The following NOL10 variants were observed in gnomAD, a reference collection of about 807,000 sequenced individuals.
NOL10 encodes nucleolar protein 10.
A neutral mutation model predicts 103.5 loss-of-function variants in NOL10; 58 were observed. The ratio of observed to expected loss-of-function variants is 0.56; its 90% CI spans 0.45 to 0.70. The LOEUF is 0.70. Ranked by LOEUF, NOL10 falls within the 30% of genes least tolerant of loss-of-function variation. The probability of loss-of-function intolerance (pLI) is 0.00; values close to 1 mark genes in which losing one functional copy is unlikely to be tolerated. For missense variants in NOL10, 763 were observed against 807.3 expected, an observed-to-expected ratio of 0.95 and a Z score of 0.67; for synonymous variants, 287 against 282.5, an observed-to-expected ratio of 1.02 and a Z score of -0.16.
chr2:10,610,901 C>T (rs991015600), intron 13 of NOL10, among the ~76,000 whole-genome samples: 11 of 152,170 alleles, frequency 7.2e-5, no homozygotes, highest in African/African-American at 4.8e-5. Flanking sequence ...GTTTTCTGTC[C>T]TGCTGTTACA....
At position 10,687,788 on chromosome 2, in the gene NOL10, T is replaced by C. The variant is rs1487422432; in HGVS notation, c.66+2008A>G. 3.9e-5 allele frequency among the ~76,000 whole-genome samples: 6 copies of C among 152,292 alleles called. No homozygotes were observed. In the South Asian group the frequency reaches 1.0e-3, roughly 26 times the overall value. On this transcript the variant is annotated intron_variant, in intron 1 of 20. Coordinates refer to ENST00000381685, the MANE Select transcript of NOL10 (RefSeq NM_024894.4). ...GGCCAACATAGTGAAACTCCGTCTCTACTAAAAATACAAAAATTAGCTGGT... is the reference window on the plus strand; with the variant it reads ...GGCCAACATAGTGAAACTCCGTCTCCACTAAAAATACAAAAATTAGCTGGT...
intron 13 of NOL10, among the ~76,000 whole-genome samples, chr2:10,626,918 T>C (rs1010033598): frequency 6.6e-6 from 1 of 152,230 alleles, no homozygotes; most frequent in African/African-American, 2.4e-5. Context: ...TGAAATTAAC[T>C]TTGAAAATGC....
chr2:10,575,137 C>T (rs911189842), intron 20 of NOL10, among the ~76,000 whole-genome samples: 3 of 152,326 alleles, frequency 2.0e-5, no homozygotes, highest in African/African-American at 7.2e-5. Context: ...CAGGTGCAAA[C>T]AGGCACATTT....
chr2:10,635,251 G>A (rs928889735), intron 13 of NOL10, among the ~76,000 whole-genome samples: 4 of 152,186 alleles, frequency 2.6e-5, no homozygotes, highest in African/African-American at 9.6e-5. Context: ...AGTCATGTTG[G>A]CACTCAAAAG....
Position 10,623,493 on chromosome 2 carries a change from T to C in NOL10, c.1027-16182A>G, listed in dbSNP as rs139600656. The stretch of plus-strand genomic sequence containing the variant: ...ATTACTTATGGGAAAGTGACTTTCT[T>C]ACCTCTTGTAAGATCCTGTATACCA... On this transcript the variant is annotated intron_variant, in intron 13 of 20. Transcript: ENST00000381685. Among the ~76,000 whole-genome samples the C allele has an allele frequency of 5.8e-4, 89 of 152,318 alleles. 1 individual carries two copies. Among genetic ancestry groups the C allele is most frequent in the Non-Finnish European group, 1.1e-3 (72 of 68,022 alleles).
chr2:10,665,387 G>C (rs985286836), intron 8 of NOL10, among the ~76,000 whole-genome samples: 1 of 151,972 alleles, frequency 6.6e-6, no homozygotes, highest in Non-Finnish European at 1.5e-5. Context: ...ACTTCAAAAA[G>C]CACAAAATGC....
chr2:10,575,307 T>C (rs1013969343), intron 20 of NOL10, among the ~76,000 whole-genome samples: 1 of 152,224 alleles, frequency 6.6e-6, no homozygotes, highest in African/African-American at 2.4e-5. Context: ...GAGGTACATA[T>C]GCAAACATAG....
At chr2:10,627,764 G>A (rs1572325607) in intron 13 of NOL10, among the ~76,000 whole-genome samples, 1 of 151,248 alleles carries the variant, frequency 6.6e-6, no homozygotes, top group African/African-American at 2.4e-5. Flanking sequence ...GAGGGAGAGA[G>A]GGAGGGAGGG....
chr2:10,593,129 G>GTTTT (rs113342576), intron 17 of NOL10, among the ~76,000 whole-genome samples: 1 of 148,692 alleles, frequency 6.7e-6, no homozygotes, highest in Non-Finnish European at 1.5e-5. Context: ...AAACAAATTA[G>GTTTT]TTTTTTTTTT....
intron 12 of NOL10, among the ~76,000 whole-genome samples, chr2:10,652,110 G>A (rs1011103336): frequency 6.6e-6 from 1 of 151,840 alleles, no homozygotes; most frequent in Non-Finnish European, 1.5e-5. Context: ...CGTGGTGGCG[G>A]GCACCTGTAA....
At chr2:10,613,781 C>T (rs920058086) in intron 13 of NOL10, among the ~76,000 whole-genome samples, 1 of 152,006 alleles carries the variant, frequency 6.6e-6, no homozygotes, top group Non-Finnish European at 1.5e-5. Flanking sequence ...TTTTTTACCA[C>T]CTAACAACCA....
chr2:10,689,865 G>T lies in NOL10; in HGVS notation c.-4C>A, dbSNP rs778033616. On this transcript the variant is annotated 5_prime_UTR_variant, in exon 1 of 21. Coordinates refer to ENST00000381685, the MANE Select transcript of NOL10 (RefSeq NM_024894.4). ...CATTGAGGCTGGAGACCTGCATGGCGCCGCACAACACTGTTCAAGTCCCGG... is the reference window on the plus strand; with the variant it reads ...CATTGAGGCTGGAGACCTGCATGGCTCCGCACAACACTGTTCAAGTCCCGG... 1.1e-5 allele frequency: 17 copies of T among 1,604,220 alleles called. No homozygotes were observed. In the Admixed American group the frequency reaches 2.6e-4, roughly 24 times the overall value.
At chr2:10,614,879 T>C (rs1436337320) in intron 13 of NOL10, among the ~76,000 whole-genome samples, 1 of 152,214 alleles carries the variant, frequency 6.6e-6, no homozygotes, top group Admixed American at 6.5e-5. Context: ...TGTGGGAAAA[T>C]GGGATTTTGC....
intron 13 of NOL10, among the ~76,000 whole-genome samples, chr2:10,630,804 G>T (rs1677792241): frequency 6.6e-6 from 1 of 152,180 alleles, no homozygotes; most frequent in Non-Finnish European, 1.5e-5. Context: ...ATCCCTTCTA[G>T]CTCTGATGGT....
In NOL10 at chr2:10,643,166, TACCA is replaced by T. The variant is rs1678829483; in HGVS notation, c.1026+1150_1026+1153del. 2.6e-5 allele frequency among the ~76,000 whole-genome samples: 4 copies of T among 152,342 alleles called. No homozygotes were observed. In the South Asian group the frequency reaches 8.3e-4, roughly 32 times the overall value. On this transcript the variant is annotated intron_variant, in intron 13 of 20. Transcript: ENST00000381685. ...CCTGTTTGAACGGCCTTCATTTCAC[TACCA>T]ACCAAACGAAATATCTCTAAGTGCT...
chr2:10,643,416 A>G (rs975927506), intron 13 of NOL10, among the ~76,000 whole-genome samples: 3 of 152,152 alleles, frequency 2.0e-5, no homozygotes, highest in Admixed American at 2.0e-4. Flanking sequence ...CAGGTAAGGG[A>G]GATGTCTGCT....
chr2:10,666,810 AG>A (rs1332272804), intron 8 of NOL10, among the ~76,000 whole-genome samples: 6 of 152,190 alleles, frequency 3.9e-5, no homozygotes, highest in Non-Finnish European at 8.8e-5. Flanking sequence ...TATAGCACTT[AG>A]GAAAAAAAAT....
intron 8 of NOL10, among the ~76,000 whole-genome samples, chr2:10,665,646 A>G (rs1260676674): frequency 1.3e-5 from 2 of 152,184 alleles, no homozygotes; most frequent in Admixed American, 6.5e-5. Context: ...GTTCTAATAC[A>G]TAACTTCTCT....
intron 3 of NOL10, among the ~76,000 whole-genome samples, chr2:10,680,957 T>G (rs1323481413): frequency 6.6e-6 from 1 of 152,230 alleles, no homozygotes; most frequent in Non-Finnish European, 1.5e-5. Context: ...TAGTACATTA[T>G]ACAGAAAATC....
Sources: gnomAD v4.1 joint callset for allele counts (sites outside exome capture counted in the v4.1 genomes callset) on GRCh38, gnomAD v4.1.1 for gene constraint, MANE v1.5 for transcripts, NCBI Gene and HGNC (gene_info 2026-07-23, HGNC 2026-07-21) for gene names.